SULT4A1: variants seen among roughly 807,000 people sequenced by gnomAD.
SULT4A1 encodes sulfotransferase 4A1.
Under a neutral mutation model 35.2 loss-of-function variants are expected in SULT4A1, and 11 were observed. The ratio of observed to expected loss-of-function variants is 0.31; its 90% CI spans 0.20 to 0.52. The LOEUF (loss-of-function observed/expected upper bound fraction) is 0.52. Among genes scored for constraint, SULT4A1 ranks in the 20% least tolerant of loss-of-function variants. The pLI is 0.97. For missense variants in SULT4A1, 271 were observed against 383.7 expected (o/e 0.71, Z 2.45); for synonymous variants, 152 against 151.8 (o/e 1.00, Z -0.01).
At chr22:43,831,782 T>C (rs997957018) in intron 5 of SULT4A1, among the ~76,000 whole-genome samples, 5 of 152,214 alleles carry the variant, frequency 3.3e-5, no homozygotes, top group African/African-American at 1.2e-4. Flanking sequence ...CGGTGGCCTC[T>C]GGGAAGCAGG....
intron 4 of SULT4A1, among the ~76,000 whole-genome samples, chr22:43,835,471 C>T (rs946192896): frequency 9.9e-5 from 15 of 152,184 alleles, no homozygotes; most frequent in African/African-American, 2.9e-4. Flanking sequence ...CCCTGCCACC[C>T]GGCAGGATTC....
intron 2 of SULT4A1, 105 bp from the exon 3 acceptor site, chr22:43,840,130 T>A: frequency 1.4e-6 from 1 of 731,800 alleles, no homozygotes. Flanking sequence ...GGGGTGGGGT[T>A]CAGGGGAAGT....
intron 1 of SULT4A1, among the ~76,000 whole-genome samples, chr22:43,860,420 G>A (rs1383930322): frequency 2.0e-5 from 3 of 152,180 alleles, no homozygotes; most frequent in African/African-American, 7.2e-5. Context: ...TCCAGCGTGT[G>A]TCTGGACGTG....
chr22:43,834,139 C>G (rs1254725788), intron 4 of SULT4A1, among the ~76,000 whole-genome samples: 2 of 152,174 alleles, frequency 1.3e-5, no homozygotes, highest in Non-Finnish European at 2.9e-5. Flanking sequence ...TAGGACAGAT[C>G]CAGAACACGG....
intron 6 of SULT4A1, chr22:43,827,074 G>A (rs539618009): frequency 1.0e-6 from 1 of 985,490 alleles, no homozygotes; most frequent in African/African-American, 1.7e-5. Context: ...CGGTGACCGT[G>A]AAGATGTCTG....
At chr22:43,840,783 C>T (rs1244561226) in intron 2 of SULT4A1, among the ~76,000 whole-genome samples, 7 of 152,232 alleles carry the variant, frequency 4.6e-5, no homozygotes, top group Non-Finnish European at 8.8e-5. Flanking sequence ...GGAATGGGCC[C>T]AGCCCTCATG....
At chr22:43,833,005 G>A (rs1243977892) in intron 5 of SULT4A1, among the ~76,000 whole-genome samples, 1 of 152,062 alleles carries the variant, frequency 6.6e-6, no homozygotes, top group African/African-American at 2.4e-5. Context: ...TTTCCAGCTG[G>A]CACTCAGGCC....
chr22:43,853,715 AAAGTG>A (rs2049369552), intron 1 of SULT4A1, among the ~76,000 whole-genome samples: 1 of 152,222 alleles, frequency 6.6e-6, no homozygotes, highest in African/African-American at 2.4e-5. Context: ...CAGTTTCCTC[AAAGTG>A]AACTTCTCCT....
chr22:43,856,086 A>T (rs755256016), intron 1 of SULT4A1, among the ~76,000 whole-genome samples: 6 of 152,222 alleles, frequency 3.9e-5, no homozygotes, highest in Non-Finnish European at 5.9e-5. Flanking sequence ...TCTTCTCCAG[A>T]CCTAGGCCAG....
chr22:43,838,322 G>A (rs1056894952), intron 4 of SULT4A1, among the ~76,000 whole-genome samples: 1 of 152,226 alleles, frequency 6.6e-6, no homozygotes, highest in Admixed American at 6.5e-5. Flanking sequence ...CGGCCCGGCT[G>A]TCCTCCTCCC....
At chr22:43,859,786 G>A (rs1008144399) in intron 1 of SULT4A1, among the ~76,000 whole-genome samples, 9 of 152,208 alleles carry the variant, frequency 5.9e-5, no homozygotes, top group Admixed American at 3.3e-4. Flanking sequence ...TACGGCAGCC[G>A]CTAGCCCCAT....
At chr22:43,838,779 C>A in intron 4 of SULT4A1, 88 bp downstream of exon 4, 1 of 1,559,910 alleles carries the variant, frequency 6.4e-7, no homozygotes. Flanking sequence ...AACTGGAGAC[C>A]GTGTCGGGGA....
intron 4 of SULT4A1, among the ~76,000 whole-genome samples, chr22:43,837,215 G>A (rs2063384464): frequency 6.6e-6 from 1 of 152,268 alleles, no homozygotes; most frequent in Non-Finnish European, 1.5e-5. Context: ...GGGGTGCTGA[G>A]TGGGCCTGTC....
chr22:43,855,066 C>A (rs1402531727), intron 1 of SULT4A1, among the ~76,000 whole-genome samples: 1 of 152,178 alleles, frequency 6.6e-6, no homozygotes, highest in East Asian at 1.9e-4. Context: ...CAATGTAATT[C>A]CCCACAGAGC....
chr22:43,835,972 C>T (rs1036075456), intron 4 of SULT4A1, among the ~76,000 whole-genome samples: 28 of 152,206 alleles, frequency 1.8e-4, no homozygotes, highest in Non-Finnish European at 3.4e-4. Context: ...GCGAGGACGC[C>T]GGGCCCCTCC....
At chr22:43,851,671 C>T (rs1183180882) in intron 1 of SULT4A1, among the ~76,000 whole-genome samples, 2 of 152,174 alleles carry the variant, frequency 1.3e-5, no homozygotes, top group African/African-American at 4.8e-5. Context: ...AGAGGAGGGG[C>T]TGGTAATCCC....
At chr22:43,827,359 T>C (rs74924556) in intron 6 of SULT4A1, 54,616 of 985,352 alleles carry the variant, frequency 0.055, 1,629 homozygotes, top group Middle Eastern at 0.069. Flanking sequence ...CAAAAAATTA[T>C]CAGTGTTGGA....
At chr22:43,854,131 G>A (rs1437776195) in intron 1 of SULT4A1, among the ~76,000 whole-genome samples, 1 of 152,186 alleles carries the variant, frequency 6.6e-6, no homozygotes, top group East Asian at 1.9e-4. Flanking sequence ...TGATGGTGCG[G>A]ACAACAATGG....
At chr22:43,858,861 G>C (rs1413273017) in intron 1 of SULT4A1, among the ~76,000 whole-genome samples, 1 of 152,162 alleles carries the variant, frequency 6.6e-6, no homozygotes, top group Admixed American at 6.5e-5. Context: ...GGGCCGTCCT[G>C]AGAATCAAAG....
Sources: gnomAD v4.1 joint callset for allele counts (sites outside exome capture counted in the v4.1 genomes callset) on GRCh38, gnomAD v4.1.1 for gene constraint, MANE v1.5 for transcripts, NCBI Gene and HGNC (gene_info 2026-07-23, HGNC 2026-07-21) for gene names.